CSGALNACT1: variants seen among roughly 807,000 people sequenced by gnomAD.
CSGALNACT1 encodes chondroitin sulfate N-acetylgalactosaminyltransferase 1, also known as beta4GalNAcT-1.
CSGALNACT1 carries 52 observed loss-of-function variants against 51.0 expected under a neutral mutation model. The observed-to-expected ratio is 1.02, with a 90% CI of 0.82 to 1.29. The LOEUF (loss-of-function observed/expected upper bound fraction) is 1.29. Among genes scored for constraint, CSGALNACT1 ranks in the 50% most tolerant of loss-of-function variants. CSGALNACT1 has a pLI of 0.00. For synonymous variants in CSGALNACT1, 341 were observed against 254.4 expected, an observed-to-expected ratio of 1.34 and a Z score of -3.24; for missense variants, 935 against 679.2, an observed-to-expected ratio of 1.38 and a Z score of -4.19.
At chr8:19,531,059 G>GCTT (rs2082680304) in intron 3 of CSGALNACT1, among the ~76,000 whole-genome samples, 1 of 152,224 alleles carries the variant, frequency 6.6e-6, no homozygotes, top group Middle Eastern at 3.4e-3. Flanking sequence ...TCTTGCTAAG[G>GCTT]CTTCCATTTC....
chr8:19,577,385 C>T (rs957969999), intron 3 of CSGALNACT1, among the ~76,000 whole-genome samples: 7 of 139,652 alleles, frequency 5.0e-5, no homozygotes, highest in African/African-American at 1.9e-4. Context: ...GACAACGAAG[C>T]CCGACCCCAC....
At chr8:19,625,954 C>A (rs1715422241) in intron 1 of CSGALNACT1, among the ~76,000 whole-genome samples, 1 of 152,064 alleles carries the variant, frequency 6.6e-6, no homozygotes, top group South Asian at 2.1e-4. Flanking sequence ...AAGTTATTTG[C>A]AAAGATTTAA....
chr8:19,753,477 T>A (rs150311220), intron 1 of CSGALNACT1, among the ~76,000 whole-genome samples: 91 of 152,318 alleles, frequency 6.0e-4, no homozygotes, highest in African/African-American at 2.0e-3. Flanking sequence ...CTGGTAAGAT[T>A]TAAGACCTAC....
At chr8:19,563,095 C>T (rs966120476) in intron 3 of CSGALNACT1, among the ~76,000 whole-genome samples, 2 of 152,074 alleles carry the variant, frequency 1.3e-5, no homozygotes, top group Non-Finnish European at 2.9e-5. Flanking sequence ...TACTATGCAG[C>T]CATAAAAAGA....
chr8:19,653,818 GCTGTACATTT>G (rs2058037282), intron 1 of CSGALNACT1, among the ~76,000 whole-genome samples: 1 of 151,436 alleles, frequency 6.6e-6, no homozygotes, highest in Non-Finnish European at 1.5e-5. Flanking sequence ...AAAATCTTCA[GCTGTACATTT>G]CTGTACATTT....
At chr8:19,619,418 A>T (rs955088142) in intron 1 of CSGALNACT1, among the ~76,000 whole-genome samples, 3 of 152,072 alleles carry the variant, frequency 2.0e-5, no homozygotes, top group Non-Finnish European at 2.9e-5. Flanking sequence ...GCCATGTCCT[A>T]AGTGCAATGG....
At chr8:19,424,449 A>G (rs2058462564) in intron 6 of CSGALNACT1, among the ~76,000 whole-genome samples, 1 of 152,122 alleles carries the variant, frequency 6.6e-6, no homozygotes, top group South Asian at 2.1e-4. Context: ...AGAGCCTCTG[A>G]TAATTACCAA....
intron 1 of CSGALNACT1, among the ~76,000 whole-genome samples, chr8:19,711,680 G>A (rs1457641225): frequency 3.3e-5 from 5 of 152,190 alleles, no homozygotes; most frequent in Admixed American, 1.3e-4. Flanking sequence ...TGCAGCTGAA[G>A]AAGGGAATCT....
At chr8:19,419,507 C>G (rs760379552) in intron 7 of CSGALNACT1, among the ~76,000 whole-genome samples, 1 of 152,210 alleles carries the variant, frequency 6.6e-6, no homozygotes, top group Non-Finnish European at 1.5e-5. Flanking sequence ...TAGCAACTGG[C>G]ATGGCTGTGC....
intron 3 of CSGALNACT1, among the ~76,000 whole-genome samples, chr8:19,580,321 T>A (rs1299246058): frequency 6.6e-6 from 1 of 152,228 alleles, no homozygotes; most frequent in Non-Finnish European, 1.5e-5. Context: ...AGAAAGCTTC[T>A]GCTAAGAGGC....
chr8:19,571,274 C>T (rs183007748), intron 3 of CSGALNACT1, among the ~76,000 whole-genome samples: 2 of 152,156 alleles, frequency 1.3e-5, no homozygotes, highest in East Asian at 3.9e-4. Context: ...ACTCCGTATC[C>T]GATATAACTA....
exon 10 of CSGALNACT1, chr8:19,405,714 T>C: frequency 6.2e-7 from 1 of 1,600,066 alleles, no homozygotes; most frequent in Non-Finnish European, 8.5e-7. Flanking sequence ...CTTTTCTCTG[T>C]TGCAGCCACT....
intron 5 of CSGALNACT1, among the ~76,000 whole-genome samples, chr8:19,455,228 T>C (rs950376542): frequency 1.8e-4 from 27 of 152,228 alleles, no homozygotes; most frequent in Middle Eastern, 3.2e-3. Context: ...GTTTAAATTA[T>C]AAAATCCAAA....
At chr8:19,679,042 A>G (rs2060400377) in intron 1 of CSGALNACT1, among the ~76,000 whole-genome samples, 1 of 152,230 alleles carries the variant, frequency 6.6e-6, no homozygotes, top group Non-Finnish European at 1.5e-5. Flanking sequence ...AGTCTTACAA[A>G]CGTTATGCAA....
At chr8:19,667,031 G>A (rs1414080179) in intron 1 of CSGALNACT1, among the ~76,000 whole-genome samples, 24 of 33,810 alleles carry the variant, frequency 7.1e-4, no homozygotes, top group African/African-American at 3.6e-3. Context: ...AAGGAAGGAA[G>A]GAAGGAAGGA....
intron 4 of CSGALNACT1, among the ~76,000 whole-genome samples, chr8:19,489,741 G>A (rs899236530): frequency 3.3e-5 from 5 of 152,110 alleles, no homozygotes; most frequent in African/African-American, 7.2e-5. Flanking sequence ...CTGTCTTCAC[G>A]ATGACATCTT....
upstream of CSGALNACT1, among the ~76,000 whole-genome samples, chr8:19,683,940 T>C (rs1589500530): frequency 6.6e-6 from 1 of 152,036 alleles, no homozygotes; most frequent in Non-Finnish European, 1.5e-5. Context: ...CCAAGGCAGG[T>C]GGATCATCTG....
rs546798428 is a variant in CSGALNACT1 at position 19,750,578 on chromosome 8, T to C, written c.-297+7272A>G. Among the ~76,000 whole-genome samples, 3 of 152,252 alleles carry C rather than the reference T, an allele frequency of 2.0e-5. No individual in the cohort carries two copies. The East Asian group carries it at 5.8e-4, about 29-fold the overall frequency. On this transcript the variant is annotated intron_variant, in intron 1 of 1. Transcript: ENST00000517494. ...GCAACAAGCCTATAAGATGTTATTA[T>C]CCCCATTTTGCACATGAGGAAGCTA...
At chr8:19,562,477 C>G (rs2975446) in intron 3 of CSGALNACT1, among the ~76,000 whole-genome samples, 1 of 145,020 alleles carries the variant, frequency 6.9e-6, no homozygotes, top group Non-Finnish European at 1.5e-5. Flanking sequence ...TAAACAGCTT[C>G]TGCACAGAAA....
Sources: allele counts gnomAD v4.1 joint callset (sites outside exome capture counted in the v4.1 genomes callset), GRCh38; gene constraint gnomAD v4.1.1; transcripts MANE v1.5; gene names NCBI Gene and HGNC (gene_info 2026-07-23, HGNC 2026-07-21).